ANK1: variants seen among roughly 807,000 people sequenced by gnomAD.
The protein encoded by ANK1 is ankyrin-1.
ANK1 carries 51 observed loss-of-function variants against 210.4 expected under a neutral mutation model. The ratio of observed to expected loss-of-function variants is 0.24; its 90% CI spans 0.19 to 0.31. The LOEUF (loss-of-function observed/expected upper bound fraction) is 0.31. Ranked by LOEUF, ANK1 falls within the 10% of genes least tolerant of loss-of-function variation. ANK1 has a pLI of 1.00. For synonymous variants in ANK1, 967 were observed against 1,025.9 expected (o/e 0.94, Z 1.10); for missense variants, 2,051 against 2,504.4 (o/e 0.82, Z 3.86).
chr8:41,668,054 G>C (rs1302292172), intron 39 of ANK1, among the ~76,000 whole-genome samples: 1 of 152,260 alleles, frequency 6.6e-6, no homozygotes, highest in Non-Finnish European at 1.5e-5. Context: ...ATCAGCAGCT[G>C]CCCAACAGGT....
intron 42 of ANK1, chr8:41,660,297 C>G (rs1807536129): frequency 2.4e-6 from 1 of 410,014 alleles, no homozygotes; most frequent in Non-Finnish European, 4.9e-6. Flanking sequence ...GCAGCGGGCC[C>G]TGATTTTTGC....
At chr8:41,841,429 T>C (rs1001471453) in intron 1 of ANK1, among the ~76,000 whole-genome samples, 2 of 152,216 alleles carry the variant, frequency 1.3e-5, no homozygotes, top group East Asian at 3.8e-4. Context: ...GTTTCCACTA[T>C]GCAAGATGAA....
chr8:41,679,468 G>C (rs1032450773), intron 37 of ANK1, among the ~76,000 whole-genome samples: 2 of 151,992 alleles, frequency 1.3e-5, no homozygotes, highest in African/African-American at 4.8e-5. Context: ...TGAAACTTGT[G>C]GGGGACTCCA....
At chr8:41,733,281 C>T (rs1264431612) in intron 3 of ANK1, among the ~76,000 whole-genome samples, 3 of 152,038 alleles carry the variant, frequency 2.0e-5, no homozygotes. Context: ...AGATCGTTAG[C>T]GAGGAGAGGA....
At chr8:41,769,236 A>C (rs1181703099) in intron 1 of ANK1, among the ~76,000 whole-genome samples, 1 of 152,234 alleles carries the variant, frequency 6.6e-6, no homozygotes, top group Non-Finnish European at 1.5e-5. Context: ...CTGGGGCTGA[A>C]CTTGAGGATG....
chr8:41,673,700 C>T (rs1026195661), intron 37 of ANK1, among the ~76,000 whole-genome samples: 3 of 152,214 alleles, frequency 2.0e-5, no homozygotes, highest in Non-Finnish European at 2.9e-5. Flanking sequence ...CAGCACCGAC[C>T]TGGTGGGATG....
At chr8:41,674,075 G>A (rs1813367996) in intron 37 of ANK1, among the ~76,000 whole-genome samples, 1 of 152,152 alleles carries the variant, frequency 6.6e-6, no homozygotes, top group Admixed American at 6.5e-5. Context: ...CTGCCCCCGG[G>A]CTGTGCTTTG....
chr8:41,858,759 A>G (rs1239328810), intron 1 of ANK1, among the ~76,000 whole-genome samples: 1 of 152,220 alleles, frequency 6.6e-6, no homozygotes, highest in Non-Finnish European at 1.5e-5. Context: ...CAATAAAACC[A>G]GCTTCACAGT....
chr8:41,868,260 T>C (rs548480543), intron 1 of ANK1, among the ~76,000 whole-genome samples: 1 of 152,352 alleles, frequency 6.6e-6, no homozygotes, highest in East Asian at 1.9e-4. Context: ...TTCCTTGCTG[T>C]AGGGGGCCAT....
chr8:41,688,009 G>T, intron 35 of ANK1, 147 bp downstream of exon 35: 3 of 991,870 alleles, frequency 3.0e-6, no homozygotes, highest in Non-Finnish European at 4.7e-6. Flanking sequence ...TGTGGCTTGG[G>T]CAGCAGACCC....
At chr8:41,688,449 TG>T (rs1268647581) in intron 34 of ANK1, 61 bp downstream of exon 34, 2 of 1,578,546 alleles carry the variant, frequency 1.3e-6, no homozygotes, top group Non-Finnish European at 1.7e-6. Context: ...TGCGGGGAGA[TG>T]AGCTCACGCC....
intron 1 of ANK1, among the ~76,000 whole-genome samples, chr8:41,883,753 C>T (rs547799390): frequency 5.9e-5 from 9 of 152,274 alleles, no homozygotes; most frequent in African/African-American, 1.9e-4. Context: ...AGCTACAGCA[C>T]CTGGCTTCCC....
chr8:41,715,924 C>G (rs1461046017), intron 13 of ANK1, 75 bp from the exon 14 acceptor site: 6 of 1,567,432 alleles, frequency 3.8e-6, no homozygotes, highest in African/African-American at 1.4e-5. Flanking sequence ...TACAGAGAAG[C>G]AAGGCAGGGC....
intron 1 of ANK1, among the ~76,000 whole-genome samples, chr8:41,810,616 C>T (rs1302281284): frequency 2.0e-5 from 3 of 152,238 alleles, no homozygotes; most frequent in Non-Finnish European, 4.4e-5. Flanking sequence ...TCTGAGTCAT[C>T]CAGAGTGGAG....
At chr8:41,849,094 C>T (rs1810672906) in intron 1 of ANK1, among the ~76,000 whole-genome samples, 2 of 152,250 alleles carry the variant, frequency 1.3e-5, no homozygotes, top group South Asian at 4.1e-4. Flanking sequence ...ACTGTGTGAA[C>T]TTGGAACCAA....
intron 3 of ANK1, among the ~76,000 whole-genome samples, chr8:41,729,142 A>G (rs1831468713): frequency 6.6e-6 from 1 of 152,220 alleles, no homozygotes. Flanking sequence ...GAGAAGAAAA[A>G]TCAGAAAATA....
At chr8:41,813,461 G>A (rs1266744888) in intron 1 of ANK1, among the ~76,000 whole-genome samples, 3 of 152,112 alleles carry the variant, frequency 2.0e-5, no homozygotes, top group African/African-American at 7.2e-5. Flanking sequence ...TATAATAACA[G>A]GTACCCTATA....
At chr8:41,889,358 G>A (rs1313350082) in intron 1 of ANK1, among the ~76,000 whole-genome samples, 1 of 152,188 alleles carries the variant, frequency 6.6e-6, no homozygotes, top group Non-Finnish European at 1.5e-5. Context: ...GAGGAACACT[G>A]GAGACCCTCA....
At chr8:41,774,736 C>T (rs1466762363) in intron 1 of ANK1, among the ~76,000 whole-genome samples, 3 of 152,216 alleles carry the variant, frequency 2.0e-5, no homozygotes, top group Non-Finnish European at 4.4e-5. Flanking sequence ...CAAGTGCACC[C>T]GCATCACCAA....
Sources: allele counts gnomAD v4.1 joint callset (sites outside exome capture counted in the v4.1 genomes callset), GRCh38; gene constraint gnomAD v4.1.1; transcripts MANE v1.5; gene names NCBI Gene and HGNC (gene_info 2026-07-23, HGNC 2026-07-21).